Variants in ZNF226 observed in about 807,000 individuals in gnomAD.
The protein encoded by ZNF226 is zinc finger protein 226.
Under a neutral mutation model 11.4 loss-of-function variants are expected in ZNF226, and 6 were observed. That is an observed-to-expected ratio of 0.53 (90% CI 0.29 to 1.04). ZNF226 has a LOEUF of 1.04. ZNF226 is among the 50% of genes least tolerant of loss of function. The pLI is 0.08. For missense variants in ZNF226, 1,058 were observed against 956.5 expected, an observed-to-expected ratio of 1.11 and a Z score of -1.40; for synonymous variants, 350 against 322.8, an observed-to-expected ratio of 1.08 and a Z score of -0.90.
the ZNF226 span, among the ~76,000 whole-genome samples, chr19:44,197,853 C>T: frequency 6.6e-6 from 1 of 152,252 alleles, no homozygotes; most frequent in South Asian, 2.1e-4. Flanking sequence ...GATAAACAAC[C>T]ATTCTCATTT....
downstream of ZNF226, among the ~76,000 whole-genome samples, chr19:44,180,017 G>A (rs914668450): frequency 3.3e-5 from 5 of 149,748 alleles, no homozygotes; most frequent in Non-Finnish European, 7.4e-5. Flanking sequence ...AACCCAGGAG[G>A]TGGAGGTTGC....
chr19:44,180,149 G>A (rs145899539), downstream of ZNF226, among the ~76,000 whole-genome samples: 2 of 150,532 alleles, frequency 1.3e-5, no homozygotes, highest in East Asian at 3.9e-4. Context: ...GCTATAGAGT[G>A]GAAATATGTA....
rs201830580 is a variant in ZNF226, at chr19:44,175,648, A to G, written c.386A>G (p.Asp129Gly). Residue 129 changes from aspartate (D) to glycine (G), a missense_variant, in exon 6 of 6, where the codon GAT becomes GGT. Physicochemically the swap from Asp to Gly is moderately conservative, Grantham distance 94. Coordinates refer to ENST00000337433, the MANE Select transcript of ZNF226 (RefSeq NM_001032373.2). The stretch of plus-strand genomic sequence containing the variant: ...AATTCTCAGTGTCACAAACAAGGTG[A>G]TTTCCCTTACCAGGTAGGGACAGAA... ...INNSQCHKQG[D>G]FPYQVGTELS... The G allele has an allele frequency of 2.0e-5, 33 of 1,613,780 alleles. No individual in the cohort carries two copies. The highest frequency in any genetic ancestry group is 2.7e-5 in the Non-Finnish European group (32 of 1,179,844).
At chr19:44,173,180 C>A in intron 5 of ZNF226, 1 of 558,560 alleles carries the variant, frequency 1.8e-6, no homozygotes, top group South Asian at 2.7e-5. Flanking sequence ...TTCTTCTGCT[C>A]AAAATTCTCT....
At chr19:44,183,983 C>T in the ZNF226 span, among the ~76,000 whole-genome samples, 2 of 152,114 alleles carry the variant, frequency 1.3e-5, no homozygotes, top group Non-Finnish European at 2.9e-5. Context: ...GACTAAATCT[C>T]CTGCAACTTG....
At chr19:44,175,292 C>T (rs1440636118) in intron 5 of ZNF226, 19 of 1,402,748 alleles carry the variant, frequency 1.4e-5, no homozygotes, top group Non-Finnish European at 9.2e-6. Flanking sequence ...TAGTGCTTAG[C>T]AATTGGGAGC....
the ZNF226 span, among the ~76,000 whole-genome samples, chr19:44,192,752 A>G: frequency 2.0e-5 from 3 of 152,236 alleles, no homozygotes; most frequent in African/African-American, 7.2e-5. Flanking sequence ...AAAAAGCTGC[A>G]GTTCAGAAGA....
At chr19:44,198,381 C>T in the ZNF226 span, among the ~76,000 whole-genome samples, 1 of 152,146 alleles carries the variant, frequency 6.6e-6, no homozygotes, top group Non-Finnish European at 1.5e-5. Flanking sequence ...TTCAAAGGAG[C>T]ACTGATAGCT....
chr19:44,184,948 A>G, the ZNF226 span, among the ~76,000 whole-genome samples: 1 of 152,280 alleles, frequency 6.6e-6, no homozygotes, highest in Non-Finnish European at 1.5e-5. Context: ...AGCCCCTGGT[A>G]ACTACCTTTC....
intron 5 of ZNF226, chr19:44,174,444 C>T (rs1970481024): frequency 6.6e-6 from 1 of 152,234 alleles, no homozygotes; most frequent in Non-Finnish European, 1.5e-5. Context: ...ATTAGCCTTT[C>T]CCTCAAAATG....
chr19:44,173,948 G>A (rs956693796), intron 5 of ZNF226: 1 of 152,172 alleles, frequency 6.6e-6, no homozygotes, highest in African/African-American at 2.4e-5. Context: ...ATTTGCTTCT[G>A]TCTCCTCAGT....
chr19:44,170,459 G>A (rs916548951), intron 3 of ZNF226, among the ~76,000 whole-genome samples: 1 of 152,000 alleles, frequency 6.6e-6, no homozygotes, highest in Non-Finnish European at 1.5e-5. Flanking sequence ...AAATTAGGCC[G>A]GGCATGGTGG....
chr19:44,166,239 G>T (rs1449228696), intron 2 of ZNF226, among the ~76,000 whole-genome samples: 1 of 152,252 alleles, frequency 6.6e-6, no homozygotes, highest in Admixed American at 6.5e-5. Context: ...AGTGGCTGAC[G>T]CCTGTAATCC....
At chr19:44,177,781 A>G, downstream of ZNF226, 1 of 1,254,044 alleles carries the variant, frequency 8.0e-7, no homozygotes, top group Non-Finnish European at 1.1e-6. Flanking sequence ...ACAACAAAAC[A>G]ATCTTTATGA....
At chr19:44,195,805 C>T in the ZNF226 span, among the ~76,000 whole-genome samples, 14 of 152,192 alleles carry the variant, frequency 9.2e-5, no homozygotes, top group South Asian at 2.1e-4. Context: ...TGTCCTGCTA[C>T]GGTGACACCA....
the ZNF226 span, among the ~76,000 whole-genome samples, chr19:44,193,823 C>T: frequency 1.3e-5 from 2 of 152,168 alleles, no homozygotes; most frequent in Admixed American, 6.5e-5. Flanking sequence ...AATGGCCGTA[C>T]ATTATCCTTA....
At chr19:44,167,314 CTTTTTTTTT>C (rs35919865) in intron 2 of ZNF226, among the ~76,000 whole-genome samples, 1 of 105,688 alleles carries the variant, frequency 9.5e-6, no homozygotes, top group Non-Finnish European at 1.8e-5. Context: ...ATTTCTTTAA[CTTTTTTTTT>C]TTTTTTTTTT....
At chr19:44,177,709 C>T (rs1275470231), downstream of ZNF226, 35 of 1,533,508 alleles carry the variant, frequency 2.3e-5, no homozygotes, top group Non-Finnish European at 3.0e-5. Context: ...TGAATTCTTC[C>T]AGTTATCAAG....
At chr19:44,182,338 T>TGC (rs538435042), downstream of ZNF226, among the ~76,000 whole-genome samples, 356 of 149,066 alleles carry the variant, frequency 2.4e-3, 3 homozygotes, top group Middle Eastern at 0.01. Context: ...GCACACGTGA[T>TGC]GCGCGCGCGC....
Sources: gnomAD v4.1 joint callset for allele counts (sites outside exome capture counted in the v4.1 genomes callset) on GRCh38, gnomAD v4.1.1 for gene constraint, MANE v1.5 for transcripts, NCBI Gene and HGNC (gene_info 2026-07-23, HGNC 2026-07-21) for gene names.